The following NTRK3 variants were observed in gnomAD, a reference collection of about 807,000 sequenced individuals.
NTRK3 encodes neurotrophic receptor tyrosine kinase 3.
A neutral mutation model predicts 91.7 loss-of-function variants in NTRK3; 24 were observed. That is an observed-to-expected ratio of 0.26 (90% CI 0.19 to 0.37). The LOEUF is 0.37. NTRK3 is among the 10% of genes least tolerant of loss of function. NTRK3 has a pLI of 1.00. For missense variants in NTRK3, 880 were observed against 1,068.9 expected (o/e 0.82, Z 2.46); for synonymous variants, 483 against 404.0 (o/e 1.20, Z -2.34).
chr15:87,902,374 C>T (rs903786483), intron 17 of NTRK3, among the ~76,000 whole-genome samples: 1 of 152,248 alleles, frequency 6.6e-6, no homozygotes, highest in African/African-American at 2.4e-5. Flanking sequence ...ATCTAGGTCC[C>T]AGATAATGTG....
At position 88,074,099 on chromosome 15, in the gene NTRK3, G is replaced by A. The variant is rs145893038; in HGVS notation, c.1397-41054C>T. Among the ~76,000 whole-genome samples the A allele has an allele frequency of 2.8e-3, 430 of 152,294 alleles. 12 individuals are homozygous for A. The East Asian group carries it at 0.04, about 14-fold the overall frequency. ...GATGAACACCGACCATGTGCCAAGC[G>A]CCATGGAGCAAGCTTAATGTACACC... On this transcript the variant is annotated intron_variant, in intron 13 of 18. Transcript: ENST00000394480.
At chr15:87,957,482 C>A (rs1164481508) in intron 14 of NTRK3, among the ~76,000 whole-genome samples, 1 of 152,188 alleles carries the variant, frequency 6.6e-6, no homozygotes, top group Non-Finnish European at 1.5e-5. Flanking sequence ...ATCTCCTCAT[C>A]TGCAAAATGG....
exon 9 of NTRK3, chr15:88,135,950 C>T (rs1285868825): frequency 6.2e-7 from 1 of 1,614,264 alleles, no homozygotes; most frequent in Non-Finnish European, 8.5e-7. Flanking sequence ...ACGTTCTCTG[C>T]AATGCACGTC....
intron 13 of NTRK3, among the ~76,000 whole-genome samples, chr15:88,119,453 G>A (rs2052463298): frequency 6.6e-6 from 1 of 152,178 alleles, no homozygotes; most frequent in Admixed American, 6.5e-5. Flanking sequence ...TGAGGAAGCG[G>A]GGTGGTTGGA....
In NTRK3 at chr15:88,067,996, C is replaced by G. The variant is rs542280923; in HGVS notation, c.1397-34951G>C. Among the ~76,000 whole-genome samples, 11 of 152,254 alleles carry G rather than the reference C, an allele frequency of 7.2e-5. No homozygotes were observed. The South Asian group carries it at 2.3e-3, about 32-fold the overall frequency. ...TCCACATCTTACGGGCTGTGACTAT[C>G]TTAGGAAAGAGAATTACCTACATGT... On this transcript the variant is annotated intron_variant, in intron 13 of 18. Coordinates refer to ENST00000394480, the Ensembl canonical transcript of NTRK3.
exon 19 of NTRK3, chr15:87,869,404 T>A (rs1189395612): frequency 1.3e-5 from 3 of 226,454 alleles, no homozygotes; most frequent in Non-Finnish European, 2.6e-5. Context: ...GATGTCAACA[T>A]CGTCTGACAG....
chr15:88,150,036 T>A (rs2043231180), intron 5 of NTRK3, among the ~76,000 whole-genome samples: 1 of 152,128 alleles, frequency 6.6e-6, no homozygotes, highest in Non-Finnish European at 1.5e-5. Context: ...CCTACCCCTC[T>A]CCAGTGCCTC....
chr15:88,214,281 G>A (rs2049529265), intron 3 of NTRK3, among the ~76,000 whole-genome samples: 1 of 152,112 alleles, frequency 6.6e-6, no homozygotes, highest in African/African-American at 2.4e-5. Context: ...GGCTGTAGAA[G>A]AGAATCCTCT....
intron 5 of NTRK3, among the ~76,000 whole-genome samples, chr15:88,149,399 C>A (rs955548793): frequency 6.6e-6 from 1 of 152,290 alleles, no homozygotes; most frequent in South Asian, 2.1e-4. Flanking sequence ...GTACCCAGTA[C>A]CCTCTCTGTT....
chr15:87,918,412 T>C (rs1297991806), intron 17 of NTRK3, among the ~76,000 whole-genome samples: 1 of 152,224 alleles, frequency 6.6e-6, no homozygotes, highest in Non-Finnish European at 1.5e-5. Flanking sequence ...AGATCCTTAG[T>C]TTCGGCCAGT....
intron 13 of NTRK3, among the ~76,000 whole-genome samples, chr15:88,056,198 A>ATT (rs999054541): frequency 1.0e-5 from 1 of 96,862 alleles, no homozygotes; most frequent in African/African-American, 3.9e-5. Context: ...ATATATATAT[A>ATT]TATATTTTTT....
intron 3 of NTRK3, among the ~76,000 whole-genome samples, chr15:88,242,260 C>T (rs1053492393): frequency 6.6e-6 from 1 of 152,156 alleles, no homozygotes; most frequent in Non-Finnish European, 1.5e-5. Flanking sequence ...TCTTGCCTTT[C>T]CGCGTGGGGC....
exon 19 of NTRK3, chr15:87,863,383 G>C (rs1303062468): frequency 4.4e-6 from 1 of 227,078 alleles, no homozygotes; most frequent in East Asian, 6.3e-5. Context: ...GCTGTCCCTG[G>C]TGCTGAAAAC....
intron 3 of NTRK3, among the ~76,000 whole-genome samples, chr15:88,200,672 T>C (rs909736929): frequency 6.6e-6 from 1 of 152,170 alleles, no homozygotes; most frequent in Admixed American, 6.5e-5. Context: ...TGACTGTAAG[T>C]TTCCTGAAGC....
intron 13 of NTRK3, among the ~76,000 whole-genome samples, chr15:88,124,429 A>T (rs532612941): frequency 2.6e-5 from 4 of 152,180 alleles, no homozygotes; most frequent in African/African-American, 4.8e-5. Context: ...ATGACAATTA[A>T]TAGGAAAAAT....
At chr15:88,017,202 T>A (rs1317366027) in intron 14 of NTRK3, among the ~76,000 whole-genome samples, 2 of 152,144 alleles carry the variant, frequency 1.3e-5, no homozygotes, top group African/African-American at 2.4e-5. Flanking sequence ...GATTGCTCCC[T>A]CACAGAGGGG....
intron 3 of NTRK3, among the ~76,000 whole-genome samples, chr15:88,254,748 C>T (rs1262009587): frequency 6.6e-6 from 1 of 152,138 alleles, no homozygotes; most frequent in Non-Finnish European, 1.5e-5. Flanking sequence ...TTGGCCAGGA[C>T]CTCAGCACAA....
chr15:88,100,906 T>A (rs1343038345), intron 13 of NTRK3, among the ~76,000 whole-genome samples: 6 of 152,098 alleles, frequency 3.9e-5, no homozygotes, highest in Non-Finnish European at 7.4e-5. Flanking sequence ...CTAAAACCAT[T>A]AAAACCCTAG....
chr15:88,186,674 T>C (rs937578164), intron 3 of NTRK3, among the ~76,000 whole-genome samples: 1 of 152,238 alleles, frequency 6.6e-6, no homozygotes, highest in Admixed American at 6.5e-5. Context: ...TTGTAACACA[T>C]GAAAACTACA....
Sources: allele counts gnomAD v4.1 joint callset (sites outside exome capture counted in the v4.1 genomes callset), GRCh38; gene constraint gnomAD v4.1.1; transcripts MANE v1.5; gene names NCBI Gene and HGNC (gene_info 2026-07-23, HGNC 2026-07-21).